GPRASP3: variants seen among roughly 807,000 people sequenced by gnomAD.
GPRASP3 encodes the protein G protein-coupled receptor associated sorting protein 3.
chrX:102,721,761 G>A, the GPRASP3 span, among the ~76,000 whole-genome samples: 1 of 111,149 alleles, frequency 9.0e-6, no homozygotes, highest in African/African-American at 3.3e-5. Flanking sequence ...TACAGAAACT[G>A]CTTCATGGAT....
the GPRASP3 span, among the ~76,000 whole-genome samples, chrX:102,730,824 A>C: frequency 0.024 from 2,706 of 111,867 alleles, 75 homozygotes; most frequent in African/African-American, 0.084. Flanking sequence ...TTAGGAACAA[A>C]AAAAAAAAGA....
chrX:102,733,760 T>C, the GPRASP3 span, among the ~76,000 whole-genome samples: 1 of 110,108 alleles, frequency 9.1e-6, no homozygotes, highest in Non-Finnish European at 1.9e-5. Flanking sequence ...TCCTGAAACG[T>C]ATTTTTTCCT....
chrX:102,752,157 G>T, the GPRASP3 span: 6 of 122,552 alleles, frequency 4.9e-5, no homozygotes, highest in Non-Finnish European at 9.4e-5. Context: ...AGAGGTTGCT[G>T]TGTCAACCTA....
the GPRASP3 span, chrX:102,749,814 A>G: frequency 8.3e-7 from 1 of 1,211,043 alleles, no homozygotes; most frequent in East Asian, 3.0e-5. Flanking sequence ...ACACTCGCTC[A>G]TGCTCACAGC....
At chrX:102,736,260 T>G in the GPRASP3 span, among the ~76,000 whole-genome samples, 2 of 112,504 alleles carry the variant, frequency 1.8e-5, no homozygotes, top group East Asian at 5.5e-4. Context: ...TCCCAAAGAT[T>G]ATTTAGGTCA....
At chrX:102,731,947 A>G in the GPRASP3 span, among the ~76,000 whole-genome samples, 1 of 112,161 alleles carries the variant, frequency 8.9e-6, no homozygotes, top group African/African-American at 3.2e-5. Flanking sequence ...ATGCCTGGGA[A>G]ATTGCTTCTC....
At chrX:102,727,022 C>T in the GPRASP3 span, among the ~76,000 whole-genome samples, 3 of 112,702 alleles carry the variant, frequency 2.7e-5, no homozygotes, top group African/African-American at 9.7e-5. Flanking sequence ...CTCACTGATG[C>T]TCACTGATGG....
chrX:102,745,077 G>A, the GPRASP3 span, among the ~76,000 whole-genome samples: 1 of 111,211 alleles, frequency 9.0e-6, no homozygotes, highest in Non-Finnish European at 1.9e-5. Context: ...GTTGAGGAGC[G>A]CAGCTGGAAT....
chrX:102,730,701 T>C, the GPRASP3 span, among the ~76,000 whole-genome samples: 1 of 111,493 alleles, frequency 9.0e-6, no homozygotes, highest in Non-Finnish European at 1.9e-5. Context: ...GAAACAGGAA[T>C]AGTCAATTCT....
chrX:102,727,297 C>A, the GPRASP3 span, among the ~76,000 whole-genome samples: 92 of 112,015 alleles, frequency 8.2e-4, no homozygotes, highest in African/African-American at 2.8e-3. Flanking sequence ...TACAACAATT[C>A]CAGGAGGTAA....
the GPRASP3 span, among the ~76,000 whole-genome samples, chrX:102,723,366 A>G: frequency 9.0e-6 from 1 of 111,573 alleles, no homozygotes; most frequent in African/African-American, 3.3e-5. Context: ...GGATAGATAC[A>G]AGGTATGTGG....
chrX:102,745,110 G>T, the GPRASP3 span, among the ~76,000 whole-genome samples: 1 of 111,143 alleles, frequency 9.0e-6, no homozygotes, highest in Admixed American at 9.5e-5. Context: ...TCGAGGAAGT[G>T]CGCGAATAGT....
chrX:102,745,369 C>T, the GPRASP3 span, among the ~76,000 whole-genome samples: 1,135 of 111,647 alleles, frequency 0.01, 3 homozygotes, highest in East Asian at 0.052. Context: ...TCTAGGTCTA[C>T]CTTCTGTTAG....
At chrX:102,725,607 A>G in the GPRASP3 span, among the ~76,000 whole-genome samples, 4 of 109,354 alleles carry the variant, frequency 3.7e-5, no homozygotes, top group African/African-American at 1.3e-4. Flanking sequence ...GCTCACTGCA[A>G]CTTCTGTCTC....
At chrX:102,749,178 G>A in the GPRASP3 span, 1 of 1,212,179 alleles carries the variant, frequency 8.2e-7, no homozygotes, top group Non-Finnish European at 1.1e-6. Flanking sequence ...TGAAGGCAGT[G>A]TCTAAGAACA....
chrX:102,732,133 GCCTGTCTA>G, the GPRASP3 span, among the ~76,000 whole-genome samples: 2 of 111,439 alleles, frequency 1.8e-5, no homozygotes, highest in African/African-American at 3.3e-5. Context: ...CCCTGCTCAT[GCCTGTCTA>G]CCTGTAACAT....
At chrX:102,733,351 C>T in the GPRASP3 span, among the ~76,000 whole-genome samples, 2 of 108,012 alleles carry the variant, frequency 1.9e-5, no homozygotes, top group Non-Finnish European at 3.8e-5. Flanking sequence ...CCCAGCTACT[C>T]GGGAAGCTGA....
the GPRASP3 span, chrX:102,748,923 T>C: frequency 2.8e-6 from 3 of 1,063,001 alleles, no homozygotes; most frequent in East Asian, 9.1e-5. Context: ...TGAAAGAGTG[T>C]TAAGACTTCG....
At chrX:102,733,460 C>CA in the GPRASP3 span, among the ~76,000 whole-genome samples, 1,804 of 45,610 alleles carry the variant, frequency 0.04, 56 homozygotes, top group African/African-American at 0.13. Flanking sequence ...AACTCCATCT[C>CA]AAAAAAAAAA....
Sources: gnomAD v4.1 joint callset for allele counts (sites outside exome capture counted in the v4.1 genomes callset) on GRCh38, gnomAD v4.1.1 for gene constraint, MANE v1.5 for transcripts, NCBI Gene and HGNC (gene_info 2026-07-23, HGNC 2026-07-21) for gene names.